Variants in CACNA2D2 observed in about 807,000 individuals in gnomAD.
The protein encoded by CACNA2D2 is voltage-dependent calcium channel subunit alpha-2/delta-2.
A neutral mutation model predicts 166.4 loss-of-function variants in CACNA2D2; 48 were observed. The observed-to-expected ratio is 0.29, with a 90% CI of 0.23 to 0.37. The LOEUF (loss-of-function observed/expected upper bound fraction) is 0.37, where lower values mean the gene tolerates loss of function less well. CACNA2D2 is among the 10% of genes least tolerant of loss of function. The pLI is 1.00. For synonymous variants in CACNA2D2, 561 were observed against 573.7 expected (o/e 0.98, Z 0.32); for missense variants, 1,122 against 1,433.0 (o/e 0.78, Z 3.50).
In CACNA2D2 at chr3:50,423,339, G is replaced by A. The variant is rs1707660921; in HGVS notation, c.405+10974C>T. The stretch of plus-strand genomic sequence containing the variant: ...CACAGGGGAGGAGAGAGCAGCAAGG[G>A]CTGCTCAGAGGGATCTTGAATAGAA... On this transcript the variant is annotated intron_variant, in intron 3 of 37. Coordinates refer to ENST00000424201, the MANE Select transcript of CACNA2D2 (RefSeq NM_006030.4). Among the ~76,000 whole-genome samples the A allele has an allele frequency of 1.3e-5, 2 of 152,242 alleles. 1 individual carries two copies. The highest frequency in any genetic ancestry group is 4.1e-4 in the South Asian group (2 of 4,830).
At chr3:50,450,499 C>T (rs1244618775) in intron 2 of CACNA2D2, among the ~76,000 whole-genome samples, 2 of 152,170 alleles carry the variant, frequency 1.3e-5, no homozygotes, top group South Asian at 2.1e-4. Context: ...CTGGAGCCCG[C>T]CCTGCACCCC....
rs368246178 is a variant in CACNA2D2, at chr3:50,366,957, C to A, written c.2501-38G>T. ...GCAAGGGACCATCAGTGCTACCTGCCCAGGCAGTACCCTGTCCATTGCCTG... is the reference window on the plus strand; with the variant it reads ...GCAAGGGACCATCAGTGCTACCTGCACAGGCAGTACCCTGTCCATTGCCTG... On this transcript the variant is annotated intron_variant, in intron 28 of 37. Coordinates refer to ENST00000424201, the MANE Select transcript of CACNA2D2 (RefSeq NM_006030.4). This position sits in a 1 kb window ranked among gnomAD's most constrained non-coding sequence, Gnocchi z 5.9. 1 of 1,612,710 alleles carries A rather than the reference C, an allele frequency of 6.2e-7. No homozygotes were observed. The highest frequency in any genetic ancestry group is 1.7e-5 in the Admixed American group (1 of 60,014).
At chr3:50,416,606 G>A (rs1004885947) in intron 3 of CACNA2D2, among the ~76,000 whole-genome samples, 5 of 152,240 alleles carry the variant, frequency 3.3e-5, no homozygotes, top group African/African-American at 1.2e-4. Context: ...CCCAGGGGCT[G>A]TGCAGAGGAA....
Position 50,375,528 on chromosome 3 carries a change from C to T in CACNA2D2, c.1907+116G>A, listed in dbSNP as rs1704926308. 2 of 1,099,666 alleles carry T rather than the reference C, an allele frequency of 1.8e-6. No homozygotes were observed. Among genetic ancestry groups the T allele is most frequent in the African/African-American group, 3.1e-5 (2 of 65,012 alleles). The allele number at this position is 1,099,666 out of a possible 1,614,324, so 68.1% of individuals were successfully genotyped here. A position where few individuals can be genotyped will look rare whatever the true frequency, so the allele number is the denominator to read the frequency against. ...ATCTCAGGGTGAGTAGTGAGCAGCC[C>T]TGGCCACTGGTGCCCCACTGGGATG... On this transcript the variant is annotated intron_variant, in intron 21 of 37. Transcript: ENST00000424201. This position sits in a 1 kb window ranked among gnomAD's most constrained non-coding sequence, Gnocchi z 4.0.
chr3:50,394,200 G>A (rs760321407), intron 3 of CACNA2D2, 32 bp from the exon 4 acceptor site: 28 of 1,602,016 alleles, frequency 1.7e-5, no homozygotes, highest in South Asian at 3.3e-5. Context: ...GGTCAGAAGC[G>A]GAGGAAGGCA....
At position 50,378,287 on chromosome 3, in the gene CACNA2D2, T is replaced by C. The variant is rs2106653920; in HGVS notation, c.1386A>G (p.Thr462=). 1 of 1,553,472 alleles carries C rather than the reference T, an allele frequency of 6.4e-7. No individual in the cohort carries two copies. The highest frequency in any genetic ancestry group is 1.2e-5 in the South Asian group (1 of 84,450). Residue 462 remains threonine (T), a synonymous_variant, in exon 14 of 38, where the codon ACA becomes ACG. Transcript: ENST00000424201. ...GAGGGGCCTCCCCAAGTCTCACCTG[T>C]GTGTTGATGCGGATGGCTCCGATGG... is the stretch of plus-strand genomic sequence containing the variant. ...IPSIGAIRIN[T]QEYLDVLGRP... is the part of the protein sequence containing the mutation.
At chr3:50,448,873 T>A (rs1708980767) in intron 2 of CACNA2D2, among the ~76,000 whole-genome samples, 1 of 152,068 alleles carries the variant, frequency 6.6e-6, no homozygotes, top group African/African-American at 2.4e-5. Context: ...GAACACCCCA[T>A]TGATGGCGCA....
intron 6 of CACNA2D2, 80 bp downstream of exon 6, chr3:50,384,116 A>C: frequency 6.4e-7 from 1 of 1,564,714 alleles, no homozygotes; most frequent in Non-Finnish European, 8.7e-7. Flanking sequence ...TTCTGTCCCC[A>C]GGGACTCTGG....
rs143466427 is a variant in CACNA2D2, at chr3:50,375,941, CCT to C, written c.1773+20_1773+21del. The C allele has an allele frequency of 0.012, 19,059 of 1,613,088 alleles. 218 individuals carry two copies. Among genetic ancestry groups the C allele is most frequent in the Non-Finnish European group, 0.012 (14,094 of 1,179,860 alleles). On this transcript the variant is annotated intron_variant, in intron 19 of 37. Transcript: ENST00000424201. The surrounding 1 kb of genome is among the most constrained non-coding windows in gnomAD (Gnocchi z 4.0). ...ACACTCCTCTGCTCTGTCCCCCACCCCTGTTCTCCTCCTCTCCTTACCTCTTC... is the reference window on the plus strand; with the variant it reads ...ACACTCCTCTGCTCTGTCCCCCACCCGTTCTCCTCCTCTCCTTACCTCTTC...
chr3:50,366,081 T>A lies in CACNA2D2; in HGVS notation c.2792A>T (p.Tyr931Phe), dbSNP rs1704261817. 1 of 1,613,786 alleles carries A rather than the reference T, an allele frequency of 6.2e-7. No individual in the cohort carries two copies. Among genetic ancestry groups the A allele is most frequent in the South Asian group, 1.1e-5 (1 of 91,084 alleles). The change falls in exon 32 of 38, where the codon TAT becomes TTT. Residue 931 changes from tyrosine to phenylalanine, a missense_variant. Tyr to Phe is a conservative substitution (Grantham distance 22, BLOSUM62 3). Transcript: ENST00000424201. This position sits in a 1 kb window ranked among gnomAD's most constrained non-coding sequence, Gnocchi z 5.9. ...NNSFYTRKES[Y>F]DYQAACAPQP... ...AGGGGCACAGGCTGCCTGATAGTCA[T>A]AGGACTCCTTGCGGGTGTAGAAGGA... is the stretch of plus-strand genomic sequence containing the variant.
At chr3:50,393,522 C>T (rs909141384) in intron 4 of CACNA2D2, among the ~76,000 whole-genome samples, 1 of 152,246 alleles carries the variant, frequency 6.6e-6, no homozygotes, top group Non-Finnish European at 1.5e-5. Context: ...TGAGGCTCCC[C>T]TTCCCTCCCT....
chr3:50,456,548 G>A (rs772942748), intron 2 of CACNA2D2, among the ~76,000 whole-genome samples: 2 of 152,152 alleles, frequency 1.3e-5, no homozygotes, highest in Non-Finnish European at 2.9e-5. Flanking sequence ...TCAATTTTCC[G>A]AGAGATTGGC....
Position 50,458,601 on chromosome 3 carries a change from C to A in CACNA2D2, c.288+17517G>T, listed in dbSNP as rs115420309. ...CCAAACAGTAAGGACTCAGCTGCTA[C>A]AAGAGAAGTGAAAGCAATGGTGCCT... On this transcript the variant is annotated intron_variant, in intron 2 of 37. Transcript: ENST00000424201. 5.7e-3 allele frequency among the ~76,000 whole-genome samples: 863 copies of A among 152,352 alleles called. 5 individuals carry two copies. The highest frequency in any genetic ancestry group is 0.019 in the African/African-American group (806 of 41,588).
intron 1 of CACNA2D2, 62 bp downstream of exon 1, chr3:50,503,156 A>C: frequency 9.9e-7 from 1 of 1,011,752 alleles, no homozygotes. Flanking sequence ...AGTAGCGCGG[A>C]CCGGGGGCAG....
Position 50,375,761 on chromosome 3 carries a change from A to G in CACNA2D2, c.1845+48T>C. The G allele has an allele frequency of 1.9e-6, 3 of 1,612,694 alleles. No homozygotes were observed. Among genetic ancestry groups the G allele is most frequent in the Non-Finnish European group, 2.5e-6 (3 of 1,179,700 alleles). ...GCTAGCAGGCAGGGGGCGCTGGGGTAGAAGGGTGCCCACCCTGACTCCCTG... is the reference window on the plus strand; with the variant it reads ...GCTAGCAGGCAGGGGGCGCTGGGGTGGAAGGGTGCCCACCCTGACTCCCTG... On this transcript the variant is annotated intron_variant, in intron 20 of 37. Coordinates refer to ENST00000424201, the MANE Select transcript of CACNA2D2 (RefSeq NM_006030.4). This position sits in a 1 kb window ranked among gnomAD's most constrained non-coding sequence, Gnocchi z 4.0.
chr3:50,390,328 C>T (rs1333971636), intron 4 of CACNA2D2, among the ~76,000 whole-genome samples: 1 of 152,154 alleles, frequency 6.6e-6, no homozygotes, highest in Admixed American at 6.5e-5. Flanking sequence ...ATCATGCAGC[C>T]TCCATGAGGC....
intron 3 of CACNA2D2, among the ~76,000 whole-genome samples, chr3:50,410,486 G>GC (rs1035445666): frequency 1.3e-5 from 2 of 151,984 alleles, no homozygotes; most frequent in African/African-American, 4.8e-5. Context: ...GGGATGGGGG[G>GC]GGGGGTGTTG....
intron 3 of CACNA2D2, among the ~76,000 whole-genome samples, chr3:50,417,248 C>A (rs1707308309): frequency 6.6e-6 from 1 of 152,192 alleles, no homozygotes; most frequent in African/African-American, 2.4e-5. Context: ...CATTGTGGCC[C>A]TGGCCCACAC....
intron 13 of CACNA2D2, 32 bp from the exon 14 acceptor site, chr3:50,378,365 G>C (rs1368398932): frequency 2.6e-6 from 4 of 1,549,378 alleles, no homozygotes; most frequent in Middle Eastern, 1.7e-4. Context: ...AGGTGGGCCT[G>C]GCTGGCACTG....
Sources: allele counts gnomAD v4.1 joint callset (sites outside exome capture counted in the v4.1 genomes callset), GRCh38; gene constraint gnomAD v4.1.1; non-coding constraint Gnocchi (gnomAD v3.1); transcripts MANE v1.5; gene names NCBI Gene and HGNC (gene_info 2026-07-23, HGNC 2026-07-21).